The following AKAP19 variants were observed in gnomAD, a reference collection of about 807,000 sequenced individuals.
The protein encoded by AKAP19 is small A-kinase anchoring protein.
the AKAP19 span, among the ~76,000 whole-genome samples, chr2:190,072,308 G>T: frequency 6.6e-6 from 1 of 152,026 alleles, no homozygotes; most frequent in African/African-American, 2.4e-5. Flanking sequence ...TAACTGTAGG[G>T]TACTAAGCTC....
At chr2:190,062,646 ACTTTTCTTTTG>A in the AKAP19 span, 1 of 1,583,048 alleles carries the variant, frequency 6.3e-7, no homozygotes, top group Non-Finnish European at 8.6e-7. Context: ...TCTTCCTTTT[ACTTTTCTTTTG>A]CTTTTGAGTA....
At chr2:189,989,617 G>C in the AKAP19 span, among the ~76,000 whole-genome samples, 1 of 151,972 alleles carries the variant, frequency 6.6e-6, no homozygotes, top group Non-Finnish European at 1.5e-5. Flanking sequence ...AATTTTAAAG[G>C]AAGATATAAC....
At chr2:189,954,481 C>T in the AKAP19 span, among the ~76,000 whole-genome samples, 2 of 152,172 alleles carry the variant, frequency 1.3e-5, no homozygotes, top group African/African-American at 4.8e-5. Context: ...CATTAATATG[C>T]CTAGTGTTCC....
At chr2:189,981,055 A>G in the AKAP19 span, among the ~76,000 whole-genome samples, 2 of 152,174 alleles carry the variant, frequency 1.3e-5, no homozygotes, top group Admixed American at 6.6e-5. Flanking sequence ...CAAGAGTCCA[A>G]TTTAAGTCCA....
At chr2:190,023,816 T>C in the AKAP19 span, among the ~76,000 whole-genome samples, 1 of 127,652 alleles carries the variant, frequency 7.8e-6, no homozygotes, top group Non-Finnish European at 1.8e-5. Context: ...TATATATATA[T>C]ATACATATAT....
At chr2:190,017,487 A>G in the AKAP19 span, among the ~76,000 whole-genome samples, 1 of 152,166 alleles carries the variant, frequency 6.6e-6, no homozygotes, top group Non-Finnish European at 1.5e-5. Flanking sequence ...GTATACATAT[A>G]ACAGGCTATT....
chr2:190,059,758 T>C, the AKAP19 span, among the ~76,000 whole-genome samples: 2 of 152,054 alleles, frequency 1.3e-5, no homozygotes, highest in Admixed American at 1.3e-4. Flanking sequence ...CATACAGTCA[T>C]GTATCATATT....
At chr2:189,893,506 G>A in the AKAP19 span, among the ~76,000 whole-genome samples, 3 of 152,184 alleles carry the variant, frequency 2.0e-5, no homozygotes, top group African/African-American at 4.8e-5. Context: ...GCCGGGTGAG[G>A]CGATGCCCTA....
the AKAP19 span, among the ~76,000 whole-genome samples, chr2:190,152,776 T>C: frequency 0.014 from 2,057 of 152,366 alleles, 26 homozygotes; most frequent in Middle Eastern, 0.027. Context: ...TACATTTGTC[T>C]AAGTTAACTT....
the AKAP19 span, among the ~76,000 whole-genome samples, chr2:189,950,333 T>C: frequency 8.7e-5 from 3 of 34,658 alleles, no homozygotes; most frequent in East Asian, 3.3e-3. Flanking sequence ...CAGCCTTTTT[T>C]GTTTTTTTTT....
the AKAP19 span, among the ~76,000 whole-genome samples, chr2:190,168,547 G>C: frequency 1.3e-5 from 2 of 152,284 alleles, no homozygotes; most frequent in East Asian, 3.9e-4. Flanking sequence ...TTGTCAGGCT[G>C]CAAATTTTCT....
At chr2:189,889,790 T>G in the AKAP19 span, among the ~76,000 whole-genome samples, 1 of 152,224 alleles carries the variant, frequency 6.6e-6, no homozygotes, top group Non-Finnish European at 1.5e-5. Context: ...TTTATCATTT[T>G]GTATTGTGTC....
At chr2:190,012,972 T>G in the AKAP19 span, among the ~76,000 whole-genome samples, 1 of 152,214 alleles carries the variant, frequency 6.6e-6, no homozygotes, top group African/African-American at 2.4e-5. Flanking sequence ...TTGAATATAT[T>G]GAGTGATCCT....
At chr2:190,062,255 T>C in the AKAP19 span, 1 of 1,613,110 alleles carries the variant, frequency 6.2e-7, no homozygotes, top group Non-Finnish European at 8.5e-7. Context: ...TTGTTTCCGT[T>C]GTAGCGTGAT....
At chr2:189,928,906 A>G in the AKAP19 span, among the ~76,000 whole-genome samples, 2 of 152,106 alleles carry the variant, frequency 1.3e-5, no homozygotes, top group African/African-American at 4.8e-5. Flanking sequence ...CTGTTATGTC[A>G]CTGAAGTGAA....
the AKAP19 span, among the ~76,000 whole-genome samples, chr2:189,992,230 AT>A: frequency 2.0e-5 from 3 of 151,756 alleles, no homozygotes; most frequent in Non-Finnish European, 4.4e-5. Flanking sequence ...TAATTTTTGT[AT>A]TTTTAGTAGA....
chr2:189,917,573 T>G, the AKAP19 span: 1 of 478,164 alleles, frequency 2.1e-6, no homozygotes, highest in Non-Finnish European at 3.8e-6. Context: ...TATTAAGGTC[T>G]TATTGCTGGG....
At chr2:190,157,623 TTAAC>T in the AKAP19 span, among the ~76,000 whole-genome samples, 3 of 152,184 alleles carry the variant, frequency 2.0e-5, no homozygotes, top group Non-Finnish European at 4.4e-5. Context: ...TTTTAATTAC[TTAAC>T]TATTTTTTTA....
chr2:190,104,914 A>T, the AKAP19 span, among the ~76,000 whole-genome samples: 1 of 152,238 alleles, frequency 6.6e-6, no homozygotes, highest in Admixed American at 6.5e-5. Context: ...CATCAGAGAA[A>T]TGCAAATCAA....
Sources: gnomAD v4.1 joint callset for allele counts (sites outside exome capture counted in the v4.1 genomes callset) on GRCh38, gnomAD v4.1.1 for gene constraint, MANE v1.5 for transcripts, NCBI Gene and HGNC (gene_info 2026-07-23, HGNC 2026-07-21) for gene names.